RFX3: variants seen among roughly 807,000 people sequenced by gnomAD.
RFX3 encodes transcription factor RFX3.
RFX3 carries 14 observed loss-of-function variants against 98.6 expected under a neutral mutation model. The observed-to-expected ratio is 0.14, with a 90% CI of 0.09 to 0.22. RFX3 has a LOEUF of 0.22. Ranked by LOEUF, RFX3 falls within the 10% of genes least tolerant of loss-of-function variation. RFX3 has a pLI of 1.00. For missense variants in RFX3, 639 were observed against 926.9 expected (o/e 0.69, Z 4.03); for synonymous variants, 383 against 328.4 (o/e 1.17, Z -1.80).
intron 2 of RFX3, among the ~76,000 whole-genome samples, chr9:3,376,042 G>C (rs1011419328): frequency 6.6e-6 from 1 of 152,066 alleles, no homozygotes; most frequent in South Asian, 2.1e-4. Flanking sequence ...CTCTCAGTAG[G>C]CAAAGATATT....
intron 3 of RFX3, among the ~76,000 whole-genome samples, chr9:3,338,147 C>T (rs1833410912): frequency 6.6e-6 from 1 of 152,060 alleles, no homozygotes; most frequent in Admixed American, 6.5e-5. Flanking sequence ...GATATTAAAC[C>T]TCCCCTTACT....
intron 1 of RFX3, among the ~76,000 whole-genome samples, chr9:3,459,508 A>C (rs1052587995): frequency 1.3e-5 from 2 of 152,142 alleles, no homozygotes; most frequent in African/African-American, 4.8e-5. Flanking sequence ...TTATGAAGAC[A>C]CTGTTTTACA....
At chr9:3,340,679 A>C (rs571247407) in intron 3 of RFX3, among the ~76,000 whole-genome samples, 74 of 152,348 alleles carry the variant, frequency 4.9e-4, no homozygotes, top group Non-Finnish European at 8.8e-4. Flanking sequence ...GCCATCAGAG[A>C]AATGCAAATC....
intron 1 of RFX3, among the ~76,000 whole-genome samples, chr9:3,456,009 T>C (rs187772340): frequency 1.3e-5 from 2 of 152,354 alleles, no homozygotes; most frequent in East Asian, 3.9e-4. Context: ...GATTTGGTTG[T>C]CTGGTGAGGG....
rs118150962 is a variant in RFX3 at position 3,281,622 on chromosome 9, A to C, written c.852-4161T>G. On this transcript the variant is annotated intron_variant, in intron 7 of 16. Transcript: ENST00000617270. ...GATAATTTTAACAGCTTGCAACTCAATGGGTAATCAGTGCTAAAGTTGTTA... is the reference window on the plus strand; with the variant it reads ...GATAATTTTAACAGCTTGCAACTCACTGGGTAATCAGTGCTAAAGTTGTTA... Among the ~76,000 whole-genome samples, 19 of 151,918 alleles carry C rather than the reference A, an allele frequency of 1.3e-4. No individual in the cohort carries two copies. In the East Asian group the frequency reaches 3.5e-3, roughly 28 times the overall value.
intron 2 of RFX3, among the ~76,000 whole-genome samples, chr9:3,385,808 C>G (rs1839656752): frequency 6.6e-6 from 1 of 151,788 alleles, no homozygotes; most frequent in South Asian, 2.1e-4. Context: ...TAACTAGAAA[C>G]TCAAATTCCA....
chr9:3,364,678 T>C, intron 2 of RFX3: 1 of 158,952 alleles, frequency 6.3e-6, no homozygotes, highest in Non-Finnish European at 1.4e-5. Flanking sequence ...GTAGATTTGT[T>C]CATTTGCTGA....
At chr9:3,374,953 T>C (rs1838291930) in intron 2 of RFX3, among the ~76,000 whole-genome samples, 1 of 151,944 alleles carries the variant, frequency 6.6e-6, no homozygotes, top group African/African-American at 2.4e-5. Context: ...GTTACGTAAT[T>C]TATCATTGTC....
intron 11 of RFX3, among the ~76,000 whole-genome samples, chr9:3,267,613 C>T (rs1044865763): frequency 2.6e-5 from 4 of 151,804 alleles, no homozygotes; most frequent in African/African-American, 9.7e-5. Context: ...GAAAAACACT[C>T]AAGCAGTGCA....
At chr9:3,261,666 A>G (rs559943221) in intron 13 of RFX3, among the ~76,000 whole-genome samples, 1 of 152,238 alleles carries the variant, frequency 6.6e-6, no homozygotes, top group Non-Finnish European at 1.5e-5. Flanking sequence ...TACAACAAGG[A>G]GTTGAACTGC....
Position 3,323,517 on chromosome 9 carries a change from C to T in RFX3, c.474+6742G>A, listed in dbSNP as rs191115460. On this transcript the variant is annotated intron_variant, in intron 4 of 16. Coordinates refer to ENST00000617270, the MANE Select transcript of RFX3 (RefSeq NM_001282116.2). The stretch of plus-strand genomic sequence containing the variant: ...TTAACGTGAAACTTGACTTGTAAAT[C>T]TAAGGAAGGATCAAGCAAAAGATAT... Among the ~76,000 whole-genome samples the T allele has an allele frequency of 2.4e-3, 363 of 151,934 alleles. 1 individual carries two copies. Among genetic ancestry groups the T allele is most frequent in the South Asian group, 6.2e-3 (30 of 4,810 alleles).
At chr9:3,270,746 G>A in intron 10 of RFX3, 1 of 667,042 alleles carries the variant, frequency 1.5e-6, no homozygotes, top group Non-Finnish European at 2.5e-6. Context: ...CTGACGGTAT[G>A]AAAGGCAGAT....
At chr9:3,503,456 C>A (rs188645782) in intron 1 of RFX3, among the ~76,000 whole-genome samples, 2 of 151,928 alleles carry the variant, frequency 1.3e-5, no homozygotes, top group East Asian at 3.9e-4. Context: ...AGTAGAATAG[C>A]CTCGAATACT....
intron 13 of RFX3, among the ~76,000 whole-genome samples, chr9:3,261,202 G>T (rs1037902293): frequency 1.3e-5 from 2 of 151,776 alleles, no homozygotes; most frequent in African/African-American, 4.8e-5. Flanking sequence ...GTTTCTTTTA[G>T]GATATTCACA....
At chr9:3,406,765 G>GT (rs1018899108) in intron 1 of RFX3, among the ~76,000 whole-genome samples, 2 of 152,014 alleles carry the variant, frequency 1.3e-5, no homozygotes, top group Admixed American at 6.6e-5. Context: ...AAATTATTGT[G>GT]TTTTTTCTTA....
chr9:3,350,214 T>A (rs1189592357), intron 2 of RFX3, among the ~76,000 whole-genome samples: 1 of 152,164 alleles, frequency 6.6e-6, no homozygotes, highest in Non-Finnish European at 1.5e-5. Context: ...TTTGCAATAC[T>A]GATCTGATTA....
intron 1 of RFX3, among the ~76,000 whole-genome samples, chr9:3,416,643 G>A (rs1487844064): frequency 1.3e-5 from 2 of 152,110 alleles, no homozygotes; most frequent in Non-Finnish European, 2.9e-5. Context: ...CCCTATACAT[G>A]AAGTGGCACA....
chr9:3,421,275 A>C (rs1228262981), intron 1 of RFX3, among the ~76,000 whole-genome samples: 1 of 152,212 alleles, frequency 6.6e-6, no homozygotes, highest in Non-Finnish European at 1.5e-5. Context: ...AGCCGGTCAA[A>C]ACCAAGTGGA....
chr9:3,392,052 T>C (rs978991550), intron 2 of RFX3, among the ~76,000 whole-genome samples: 1 of 152,110 alleles, frequency 6.6e-6, no homozygotes, highest in African/African-American at 2.4e-5. Context: ...CTTAAAAAAA[T>C]TGACCAGCCA....
Sources: allele counts gnomAD v4.1 joint callset (sites outside exome capture counted in the v4.1 genomes callset), GRCh38; gene constraint gnomAD v4.1.1; transcripts MANE v1.5; gene names NCBI Gene and HGNC (gene_info 2026-07-23, HGNC 2026-07-21).